The following CHM variants were observed in gnomAD, a reference collection of about 807,000 sequenced individuals.
The protein encoded by CHM is rab proteins geranylgeranyltransferase component A 1.
Under a neutral mutation model 49.0 loss-of-function variants are expected in CHM, and 10 were observed. That is an observed-to-expected ratio of 0.20 (90% CI 0.13 to 0.35). CHM has a LOEUF of 0.35. Ranked by LOEUF, CHM falls within the 10% of genes least tolerant of loss-of-function variation. The pLI, the probability that CHM is intolerant of heterozygous loss-of-function variation, is 1.00. For missense variants in CHM, 455 were observed against 478.4 expected (o/e 0.95, Z 0.46); for synonymous variants, 184 against 167.5 (o/e 1.10, Z -0.76).
rs763584241 is a variant in CHM, at chrX:86,027,138, T to C, written c.116+353A>G. The C allele has an allele frequency of 6.9e-5, 13 of 188,836 alleles. No homozygotes were observed. In the South Asian group the frequency reaches 1.2e-3, roughly 17 times the overall value. 15.6% of individuals were successfully genotyped at this position (188,836 alleles called of 1,213,427 possible). On this transcript the variant is annotated intron_variant, in intron 2 of 14. Coordinates refer to ENST00000357749, the MANE Select transcript of CHM (RefSeq NM_000390.4). ...ATATGAAGCCTAAAATACAATAGCA[T>C]ATATAGGTTGTATATACCCACACAC...
chrX:85,905,421 G>A (rs1926534645), intron 9 of CHM, among the ~76,000 whole-genome samples: 1 of 111,550 alleles, frequency 9.0e-6, no homozygotes, highest in Non-Finnish European at 1.9e-5. Flanking sequence ...TAAGAGGTAA[G>A]AATAAAAATG....
chrX:85,872,185 A>T (rs868050048), intron 14 of CHM, among the ~76,000 whole-genome samples: 181 of 112,190 alleles, frequency 1.6e-3, no homozygotes, highest in African/African-American at 5.5e-3. Flanking sequence ...ATTTGCTACT[A>T]TAAGATCCTT....
At chrX:86,006,906 G>T (rs1271638099) in intron 2 of CHM, among the ~76,000 whole-genome samples, 1 of 111,335 alleles carries the variant, frequency 9.0e-6, no homozygotes, top group African/African-American at 3.3e-5. Flanking sequence ...TTGGAAAAAA[G>T]TACTTTAAAG....
chrX:85,988,688 C>CG (rs1932037111), intron 2 of CHM, among the ~76,000 whole-genome samples: 2 of 111,467 alleles, frequency 1.8e-5, no homozygotes, highest in Non-Finnish European at 3.8e-5. Flanking sequence ...AAATCCCTAC[C>CG]ATTCCCATGC....
At chrX:86,042,394 T>C (rs754232141) in intron 1 of CHM, among the ~76,000 whole-genome samples, 2 of 111,109 alleles carry the variant, frequency 1.8e-5, no homozygotes. Flanking sequence ...ACAAGCATGG[T>C]ACAGGCATCT....
At chrX:85,943,357 G>T (rs1034185437) in intron 8 of CHM, among the ~76,000 whole-genome samples, 3 of 111,901 alleles carry the variant, frequency 2.7e-5, no homozygotes, top group Non-Finnish European at 5.6e-5. Context: ...TATTCTAACC[G>T]CTACTGGGCT....
chrX:85,977,344 C>T (rs1043494662), intron 4 of CHM, among the ~76,000 whole-genome samples: 3 of 112,423 alleles, frequency 2.7e-5, no homozygotes, highest in Non-Finnish European at 5.6e-5. Context: ...AGTTCTATTT[C>T]GTTGTCTTCA....
chrX:85,903,046 G>A (rs527959184), intron 9 of CHM, among the ~76,000 whole-genome samples: 5 of 111,484 alleles, frequency 4.5e-5, no homozygotes, highest in African/African-American at 1.6e-4. Flanking sequence ...AACAAATATT[G>A]AGCTCCAGGT....
chrX:85,886,977 G>GA (rs1366538154), intron 12 of CHM, among the ~76,000 whole-genome samples: 1 of 105,166 alleles, frequency 9.5e-6, no homozygotes, highest in Non-Finnish European at 1.9e-5. Flanking sequence ...ATGCATACTA[G>GA]ATTTTTAAAT....
At chrX:85,897,080 T>A (rs1289090775) in intron 11 of CHM, among the ~76,000 whole-genome samples, 3 of 86,426 alleles carry the variant, frequency 3.5e-5, no homozygotes, top group Admixed American at 1.5e-4. Context: ...ATATATTAAT[T>A]ACATAATATA....
intron 2 of CHM, among the ~76,000 whole-genome samples, chrX:86,020,528 A>G (rs149647659): frequency 0.017 from 1,869 of 107,321 alleles, 51 homozygotes; most frequent in African/African-American, 0.061. Flanking sequence ...AGCAAATATT[A>G]CTATATATAT....
At chrX:86,010,737 A>G (rs1450389136) in intron 2 of CHM, among the ~76,000 whole-genome samples, 1 of 111,806 alleles carries the variant, frequency 8.9e-6, no homozygotes, top group Non-Finnish European at 1.9e-5. Context: ...ATATCCAAAA[A>G]TATAAGGTGA....
chrX:85,957,884 T>A lies in CHM; in HGVS notation c.911A>T (p.Glu304Val). The A allele has an allele frequency of 8.3e-7, 1 of 1,209,167 alleles. No individual in the cohort carries two copies. The highest frequency in any genetic ancestry group is 1.1e-6 in the Non-Finnish European group (1 of 893,755). ...ATATTCATCAGGATATTTCTCATAT[T>A]CCATACAAAATGTAAGAAATTTCAT... ...MLMKFLTFCM[E>V]YEKYPDEYKG... The change falls in exon 7 of 15, where the codon GAA becomes GTA. Residue 304 changes from glutamate (E) to valine (V), a missense_variant. Physicochemically the swap from Glu to Val is moderately radical, Grantham distance 121. Transcript: ENST00000357749.
chrX:85,902,686 T>C (rs928553312), intron 9 of CHM, among the ~76,000 whole-genome samples: 9 of 111,736 alleles, frequency 8.1e-5, no homozygotes, highest in Non-Finnish European at 1.5e-4. Flanking sequence ...TCCAAAATAA[T>C]GTTTTAAAAA....
intron 12 of CHM, among the ~76,000 whole-genome samples, chrX:85,882,174 T>G (rs1434043158): frequency 8.9e-6 from 1 of 112,112 alleles, no homozygotes; most frequent in Non-Finnish European, 1.9e-5. Flanking sequence ...GAGCAAAAAG[T>G]CTGAAGACCT....
chrX:85,879,144 G>T, intron 12 of CHM, 81 bp from the exon 13 acceptor site: 2 of 684,630 alleles, frequency 2.9e-6, no homozygotes, highest in Non-Finnish European at 4.5e-6. Context: ...TGGTATTATG[G>T]ATAATAGAGA....
At chrX:85,887,077 G>A (rs1406947749) in intron 12 of CHM, among the ~76,000 whole-genome samples, 1 of 108,313 alleles carries the variant, frequency 9.2e-6, no homozygotes, top group Admixed American at 1.0e-4. Context: ...CCTGGTGTAA[G>A]CCTTACTATT....
At chrX:85,871,039 G>A (rs980553299) in intron 14 of CHM, among the ~76,000 whole-genome samples, 1 of 110,174 alleles carries the variant, frequency 9.1e-6, no homozygotes, top group Non-Finnish European at 1.9e-5. Flanking sequence ...CGGGCCGGGT[G>A]TGGTGGCTCA....
At chrX:85,995,493 G>GT (rs1448439891) in intron 2 of CHM, among the ~76,000 whole-genome samples, 2 of 111,016 alleles carry the variant, frequency 1.8e-5, no homozygotes, top group Non-Finnish European at 3.8e-5. Context: ...ATCAAACCCA[G>GT]TATTTGTGTC....
Sources: allele counts gnomAD v4.1 joint callset (sites outside exome capture counted in the v4.1 genomes callset), GRCh38; gene constraint gnomAD v4.1.1; transcripts MANE v1.5; gene names NCBI Gene and HGNC (gene_info 2026-07-23, HGNC 2026-07-21).